The following TLN2 variants were observed in gnomAD, a reference collection of about 807,000 sequenced individuals.
TLN2 encodes the protein talin 2.
TLN2 carries 118 observed loss-of-function variants against 294.7 expected under a neutral mutation model. The observed-to-expected ratio is 0.40, with a 90% CI of 0.34 to 0.47. The LOEUF is 0.47. Ranked by LOEUF, TLN2 falls within the 20% of genes least tolerant of loss-of-function variation. The pLI, the probability that TLN2 is intolerant of heterozygous loss-of-function variation, is 0.84. For missense variants in TLN2, 3,083 were observed against 3,282.2 expected, an observed-to-expected ratio of 0.94 and a Z score of 1.48; for synonymous variants, 1,431 against 1,304.5, an observed-to-expected ratio of 1.10 and a Z score of -2.09.
Position 62,824,140 on chromosome 15 carries a change from T to A in TLN2, c.7002+3530T>A, listed in dbSNP as rs1344637263. ...AAGATGGAGCACTCATTACAATTCATGTTATCTTCCATTTCTTCTTATAGC... is the reference window on the plus strand; with the variant it reads ...AAGATGGAGCACTCATTACAATTCAAGTTATCTTCCATTTCTTCTTATAGC... On this transcript the variant is annotated intron_variant, in intron 54 of 58. Transcript: ENST00000636159. 23 of 357,138 alleles carry A rather than the reference T, an allele frequency of 6.4e-5. 1 individual carries two copies. Among genetic ancestry groups the A allele is most frequent in the South Asian group, 5.0e-4 (23 of 45,882 alleles). 22.1% of individuals were successfully genotyped at this position (357,138 alleles called of 1,614,324 possible).
At chr15:62,689,591 T>G (rs1171669118) in intron 12 of TLN2, among the ~76,000 whole-genome samples, 1 of 152,044 alleles carries the variant, frequency 6.6e-6, no homozygotes, top group East Asian at 1.9e-4. Flanking sequence ...ACTTTGTGTT[T>G]TTTTCCTCTG....
At chr15:62,757,357 A>G (rs1355974511) in intron 37 of TLN2, among the ~76,000 whole-genome samples, 1 of 152,188 alleles carries the variant, frequency 6.6e-6, no homozygotes, top group African/African-American at 2.4e-5. Flanking sequence ...TGGGGAGGTA[A>G]GGGTGGAAAG....
chr15:62,502,331 G>A (rs1167396698), intron 1 of TLN2, among the ~76,000 whole-genome samples: 2 of 152,196 alleles, frequency 1.3e-5, no homozygotes, highest in Non-Finnish European at 2.9e-5. Context: ...ACAAAGGTTT[G>A]AACTGCTGAC....
rs879750957 is a variant in TLN2, at chr15:62,395,874, C to T, written c.-238+5189C>T. Among the ~76,000 whole-genome samples, 8 of 151,958 alleles carry T rather than the reference C, an allele frequency of 5.3e-5. No homozygotes were observed. In the South Asian group the frequency reaches 8.3e-4, roughly 16 times the overall value. On this transcript the variant is annotated intron_variant, in intron 1 of 58. Coordinates refer to ENST00000636159, the MANE Select transcript of TLN2 (RefSeq NM_015059.3). ...TATTTTTTTGAGATGGTGTCTCAGT[C>T]GCACAGACTGGACTGCAGTGGCTTG...
intron 28 of TLN2, among the ~76,000 whole-genome samples, chr15:62,733,642 C>G (rs1432675865): frequency 6.6e-6 from 1 of 152,190 alleles, no homozygotes; most frequent in Non-Finnish European, 1.5e-5. Context: ...ATACACAATC[C>G]ACATGAATTC....
At chr15:62,762,108 C>T (rs984201334) in intron 38 of TLN2, among the ~76,000 whole-genome samples, 164 bp from the exon 39 acceptor site, 66 of 152,206 alleles carry the variant, frequency 4.3e-4, no homozygotes, top group African/African-American at 8.0e-4. Context: ...CTTGAGTCCC[C>T]GCCATGCAGA....
chr15:62,570,903 C>CTGTGTGTGTGTGTGTGTG (rs58523803), intron 1 of TLN2, among the ~76,000 whole-genome samples: 48 of 143,916 alleles, frequency 3.3e-4, no homozygotes, highest in African/African-American at 1.1e-3. Context: ...GCACAGGCAT[C>CTGTGTGTGTGTGTGTGTG]TGTGTGTGTG....
chr15:62,450,626 G>A (rs2140320289), intron 1 of TLN2, among the ~76,000 whole-genome samples: 1 of 152,118 alleles, frequency 6.6e-6, no homozygotes, highest in East Asian at 1.9e-4. Context: ...CTGGGCTGGA[G>A]TGCGGTGGCA....
intron 7 of TLN2, among the ~76,000 whole-genome samples, chr15:62,654,119 TATTA>T (rs1363371335): frequency 6.6e-6 from 1 of 152,222 alleles, no homozygotes; most frequent in Non-Finnish European, 1.5e-5. Context: ...AATACGTTAT[TATTA>T]ATTGTGGTCA....
chr15:62,796,334 T>C (rs2065475315), intron 47 of TLN2, 41 bp downstream of exon 47: 1 of 1,575,138 alleles, frequency 6.3e-7, no homozygotes. Flanking sequence ...CAGGCTGGCC[T>C]GCCCCTGAAA....
chr15:62,519,831 TAA>T (rs2040370421), intron 1 of TLN2, among the ~76,000 whole-genome samples: 1 of 152,256 alleles, frequency 6.6e-6, no homozygotes, highest in South Asian at 2.1e-4. Flanking sequence ...CCTGAAACTT[TAA>T]AAAAGTTTTT....
At position 62,748,453 on chromosome 15, in the gene TLN2, C is replaced by T. The variant is rs2061734303; in HGVS notation, c.4119+9C>T. The T allele has an allele frequency of 2.5e-6, 4 of 1,608,262 alleles. No homozygotes were observed. The highest frequency in any genetic ancestry group is 3.4e-6 in the Non-Finnish European group (4 of 1,175,596). On this transcript the variant is annotated intron_variant, in intron 33 of 58. Transcript: ENST00000636159. ...CCCTGCGGGAGCTCGAGGTAGGTCC[C>T]TGGGAAGGCTGCTGAGGACTTGAGA...
chr15:62,560,772 A>G (rs1190232068), intron 1 of TLN2, among the ~76,000 whole-genome samples: 2 of 152,218 alleles, frequency 1.3e-5, no homozygotes, highest in Non-Finnish European at 2.9e-5. Context: ...CTCTGCCTGA[A>G]TTGCATAATG....
intron 3 of TLN2, among the ~76,000 whole-genome samples, chr15:62,642,667 T>C (rs1323761851): frequency 6.6e-6 from 1 of 152,016 alleles, no homozygotes; most frequent in African/African-American, 2.4e-5. Flanking sequence ...CTACTTTCTT[T>C]TTGTTGTTGT....
At chr15:62,434,269 A>G (rs1040694962) in intron 1 of TLN2, among the ~76,000 whole-genome samples, 1 of 152,198 alleles carries the variant, frequency 6.6e-6, no homozygotes, top group Non-Finnish European at 1.5e-5. Flanking sequence ...CTCTGAATAT[A>G]TAGTATATAA....
intron 46 of TLN2, among the ~76,000 whole-genome samples, chr15:62,793,254 G>A (rs1406286280): frequency 6.6e-6 from 1 of 152,204 alleles, no homozygotes; most frequent in South Asian, 2.1e-4. Context: ...ACAGTGAAGT[G>A]GGGGTGGGTT....
At chr15:62,550,775 C>A (rs943785299) in intron 1 of TLN2, among the ~76,000 whole-genome samples, 1 of 152,122 alleles carries the variant, frequency 6.6e-6, no homozygotes, top group African/African-American at 2.4e-5. Flanking sequence ...CTTGGAGTTC[C>A]CCATCTCATG....
At chr15:62,723,005 A>C (rs1423334761) in intron 26 of TLN2, among the ~76,000 whole-genome samples, 1 of 152,216 alleles carries the variant, frequency 6.6e-6, no homozygotes, top group Non-Finnish European at 1.5e-5. Context: ...AAGAGAACAG[A>C]GTTGAGGACT....
intron 43 of TLN2, among the ~76,000 whole-genome samples, chr15:62,778,341 T>G (rs1256191524): frequency 6.6e-6 from 1 of 152,188 alleles, no homozygotes; most frequent in Admixed American, 6.5e-5. Context: ...CTTGGATAAG[T>G]CTCAGTAGAT....
Sources: gnomAD v4.1 joint callset for allele counts (sites outside exome capture counted in the v4.1 genomes callset) on GRCh38, gnomAD v4.1.1 for gene constraint, MANE v1.5 for transcripts, NCBI Gene and HGNC (gene_info 2026-07-23, HGNC 2026-07-21) for gene names.